The following PTPRD variants were observed in gnomAD, a reference collection of about 807,000 sequenced individuals.
PTPRD encodes receptor-type tyrosine-protein phosphatase delta.
PTPRD carries 34 observed loss-of-function variants against 214.5 expected under a neutral mutation model. The observed-to-expected ratio is 0.16, with a 90% CI of 0.12 to 0.21. The LOEUF is 0.21. PTPRD is among the 10% of genes least tolerant of loss of function. The pLI is 1.00. For synonymous variants in PTPRD, 1,128 were observed against 845.7 expected (o/e 1.33, Z -5.79); for missense variants, 2,545 against 2,398.7 (o/e 1.06, Z -1.27).
chr9:10,519,152 T>C (rs969865300), intron 2 of PTPRD, among the ~76,000 whole-genome samples: 2 of 144,532 alleles, frequency 1.4e-5, no homozygotes, highest in Non-Finnish European at 3.0e-5. Context: ...GAGGACAAAA[T>C]GGCAATGTAA....
At position 10,544,485 on chromosome 9, in the gene PTPRD, T is replaced by C. The variant is rs112466779; in HGVS notation, c.-600+67913A>G. Among the ~76,000 whole-genome samples, 102 of 152,272 alleles carry C rather than the reference T, an allele frequency of 6.7e-4. 1 individual carries two copies. The highest frequency in any genetic ancestry group is 2.2e-3 in the African/African-American group (93 of 41,560). ...GTACTTAAAAACACATTTTAAATGA[T>C]AATGTGACTTAAATGTCTCTCAATA... On this transcript the variant is annotated intron_variant, in intron 2 of 45. Transcript: ENST00000381196.
chr9:9,691,053 A>G (rs1002684367), intron 7 of PTPRD, among the ~76,000 whole-genome samples: 13 of 151,920 alleles, frequency 8.6e-5, no homozygotes, highest in African/African-American at 2.9e-4. Context: ...CTTATGGTGT[A>G]CACGAGATAT....
intron 11 of PTPRD, among the ~76,000 whole-genome samples, chr9:8,997,901 T>C (rs1200105243): frequency 1.3e-5 from 2 of 152,176 alleles, no homozygotes; most frequent in Non-Finnish European, 2.9e-5. Context: ...GCTTCAATAG[T>C]CTGGATAGAA....
chr9:8,903,788 C>G (rs1054434010), intron 11 of PTPRD, among the ~76,000 whole-genome samples: 5 of 146,564 alleles, frequency 3.4e-5, no homozygotes, highest in African/African-American at 1.4e-4. Context: ...ATTTAAAAGA[C>G]TACTCTGTAA....
intron 8 of PTPRD, among the ~76,000 whole-genome samples, chr9:9,573,295 A>G (rs907022044): frequency 6.6e-6 from 1 of 151,578 alleles, no homozygotes; most frequent in Admixed American, 6.6e-5. Flanking sequence ...TCTATATTCT[A>G]GAAGCAAAGA....
chr9:9,004,070 T>C lies in PTPRD; in HGVS notation c.-104+14627A>G, dbSNP rs183345236. Among the ~76,000 whole-genome samples the C allele has an allele frequency of 3.0e-3, 452 of 152,186 alleles. 3 individuals carry two copies. Among genetic ancestry groups the C allele is most frequent in the Non-Finnish European group, 5.1e-3 (349 of 67,992 alleles). The stretch of plus-strand genomic sequence containing the variant: ...ATGTTTCTCCTTTAGATAAATCTTT[T>C]TGTGTTCTCACAGACTCTAACCCCT... On this transcript the variant is annotated intron_variant, in intron 11 of 45. Transcript: ENST00000381196.
intron 5 of PTPRD, among the ~76,000 whole-genome samples, chr9:9,814,322 C>T (rs1242199390): frequency 7.2e-6 from 1 of 138,568 alleles, no homozygotes; most frequent in East Asian, 2.1e-4. Context: ...AAAAAAAAAG[C>T]ATCCAAATCA....
chr9:9,467,676 A>G (rs375947539), intron 8 of PTPRD, among the ~76,000 whole-genome samples: 6 of 149,482 alleles, frequency 4.0e-5, no homozygotes, highest in African/African-American at 1.5e-4. Context: ...ATTTCAGTAG[A>G]TATTCTTGTG....
chr9:10,218,562 C>G (rs1035778339), intron 3 of PTPRD, among the ~76,000 whole-genome samples: 6 of 151,752 alleles, frequency 4.0e-5, no homozygotes, highest in African/African-American at 1.5e-4. Context: ...ACCTACTTAC[C>G]TTTACCTCTA....
chr9:9,970,971 A>C (rs1587801213), intron 4 of PTPRD, among the ~76,000 whole-genome samples: 1 of 152,338 alleles, frequency 6.6e-6, no homozygotes, highest in East Asian at 1.9e-4. Context: ...ATTTTTAATG[A>C]AATATCCTTT....
chr9:8,684,467 T>C (rs918112242), intron 12 of PTPRD, among the ~76,000 whole-genome samples: 2 of 149,052 alleles, frequency 1.3e-5, no homozygotes, highest in Non-Finnish European at 2.9e-5. Context: ...TTTCCTTCAA[T>C]GATATCCCTC....
intron 2 of PTPRD, among the ~76,000 whole-genome samples, chr9:10,438,311 G>A (rs1205931007): frequency 6.6e-6 from 1 of 151,500 alleles, no homozygotes; most frequent in East Asian, 1.9e-4. Context: ...TTCCATTTAT[G>A]ATTTTTGGAC....
intron 6 of PTPRD, among the ~76,000 whole-genome samples, chr9:9,763,650 T>G (rs2098680772): frequency 6.6e-6 from 1 of 152,152 alleles, no homozygotes; most frequent in Admixed American, 6.5e-5. Context: ...TACATCTACC[T>G]TCAAGAACAA....
chr9:10,469,993 G>A (rs1398788573), intron 2 of PTPRD, among the ~76,000 whole-genome samples: 2 of 151,828 alleles, frequency 1.3e-5, no homozygotes, highest in Non-Finnish European at 2.9e-5. Flanking sequence ...GGTGTTACCA[G>A]AGGCTGGGTA....
At chr9:10,346,690 C>G (rs925936486) in intron 2 of PTPRD, among the ~76,000 whole-genome samples, 1 of 152,124 alleles carries the variant, frequency 6.6e-6, no homozygotes, top group Non-Finnish European at 1.5e-5. Flanking sequence ...CATCTTTTCC[C>G]CATGCCTGTA....
intron 2 of PTPRD, among the ~76,000 whole-genome samples, chr9:10,468,798 G>C (rs1262245365): frequency 6.6e-6 from 1 of 152,020 alleles, no homozygotes; most frequent in East Asian, 1.9e-4. Flanking sequence ...GAGCAAAAAT[G>C]AATGGTTACT....
intron 3 of PTPRD, among the ~76,000 whole-genome samples, chr9:10,333,896 A>C (rs1019692629): frequency 5.9e-5 from 9 of 151,938 alleles, no homozygotes; most frequent in Admixed American, 5.3e-4. Context: ...AATTAAATAC[A>C]AGAACATTTA....
intron 11 of PTPRD, among the ~76,000 whole-genome samples, chr9:9,004,277 T>C (rs756084493): frequency 6.6e-6 from 1 of 152,066 alleles, no homozygotes; most frequent in Non-Finnish European, 1.5e-5. Flanking sequence ...ACAAAAAGAT[T>C]TGAAATATCT....
At chr9:9,308,006 C>A (rs549079244) in intron 9 of PTPRD, among the ~76,000 whole-genome samples, 20 of 152,150 alleles carry the variant, frequency 1.3e-4, no homozygotes, top group African/African-American at 4.3e-4. Flanking sequence ...TGTCATCTAA[C>A]TGGGTTTATG....
Sources: allele counts gnomAD v4.1 joint callset (sites outside exome capture counted in the v4.1 genomes callset), GRCh38; gene constraint gnomAD v4.1.1; transcripts MANE v1.5; gene names NCBI Gene and HGNC (gene_info 2026-07-23, HGNC 2026-07-21).